The following NEMF variants were observed in gnomAD, a reference collection of about 807,000 sequenced individuals.
NEMF encodes the protein nuclear export mediator factor.
In NEMF, 89 loss-of-function variants were observed where a neutral mutation model predicts 162.2. That is an observed-to-expected ratio of 0.55 (90% CI 0.46 to 0.65). NEMF has a LOEUF of 0.65. Ranked by LOEUF, NEMF falls within the 30% of genes least tolerant of loss-of-function variation. NEMF has a pLI of 0.00. For synonymous variants in NEMF, 421 were observed against 404.5 expected, an observed-to-expected ratio of 1.04 and a Z score of -0.49; for missense variants, 1,133 against 1,261.9, an observed-to-expected ratio of 0.90 and a Z score of 1.55.
intron 26 of NEMF, among the ~76,000 whole-genome samples, chr14:49,791,610 G>A (rs946272901): frequency 3.3e-5 from 5 of 151,752 alleles, no homozygotes; most frequent in South Asian, 2.1e-4. Flanking sequence ...AGTGGTGCAC[G>A]CCTGTAGTCC....
chr14:49,835,666 C>T lies in NEMF; in HGVS notation c.575-1217G>A, dbSNP rs139127681. Reference sequence around the variant, plus strand: ...ATTGTACTGGAAGCTATAGCTAGCACAATAAGGCAAATTAATTAATAGCAT... The same window carrying T: ...ATTGTACTGGAAGCTATAGCTAGCATAATAAGGCAAATTAATTAATAGCAT... On this transcript the variant is annotated intron_variant, in intron 6 of 32. Coordinates refer to ENST00000298310, the MANE Select transcript of NEMF (RefSeq NM_004713.6). Among the ~76,000 whole-genome samples, 146 of 152,168 alleles carry T rather than the reference C, an allele frequency of 9.6e-4. 1 individual carries two copies. The highest frequency in any genetic ancestry group is 1.8e-3 in the Non-Finnish European group (124 of 68,010).
chr14:49,817,937 T>C (rs1891799844), intron 16 of NEMF, among the ~76,000 whole-genome samples: 1 of 152,132 alleles, frequency 6.6e-6, no homozygotes, highest in Admixed American at 6.6e-5. Flanking sequence ...ATGACCTTGA[T>C]ACCAATACCC....
intron 25 of NEMF, among the ~76,000 whole-genome samples, chr14:49,798,848 A>G (rs1250788826): frequency 4.6e-5 from 7 of 152,068 alleles, no homozygotes; most frequent in Admixed American, 4.6e-4. Context: ...TGGGGCTTGC[A>G]GTGAGCCGAG....
intron 25 of NEMF, among the ~76,000 whole-genome samples, chr14:49,798,865 C>G (rs574055935): frequency 6.6e-6 from 1 of 152,040 alleles, no homozygotes; most frequent in Non-Finnish European, 1.5e-5. Context: ...CGAGATCATG[C>G]CACTGCACTC....
chr14:49,852,727 G>A lies in NEMF; in HGVS notation c.27C>T (p.Asp9=), dbSNP rs760502978. The change falls in exon 1 of 33, where the codon GAC becomes GAT. Residue 9 remains aspartate, a synonymous_variant. Coordinates refer to ENST00000298310, the MANE Select transcript of NEMF (RefSeq NM_004713.6). The part of the protein sequence containing the change: MKSRFSTI[D]LRAVLAELNA... The stretch of plus-strand genomic sequence containing the variant: ...TCAGCTCCGCGAGTACGGCGCGGAG[G>A]TCAATGGTGCTAAAGCGGCTCTTCA... The A allele has an allele frequency of 1.9e-6, 3 of 1,614,082 alleles. No individual in the cohort carries two copies. The highest frequency in any genetic ancestry group is 2.2e-5 in the East Asian group (1 of 44,896).
chr14:49,813,195 T>G (rs1000511496), intron 18 of NEMF, among the ~76,000 whole-genome samples: 1 of 152,232 alleles, frequency 6.6e-6, no homozygotes, highest in African/African-American at 2.4e-5. Flanking sequence ...TAAAACTTTC[T>G]GAGTGCAGCA....
At chr14:49,786,802 T>A (rs1890199708) in intron 28 of NEMF, 52 bp from the exon 29 acceptor site, 1 of 1,511,094 alleles carries the variant, frequency 6.6e-7, no homozygotes. Context: ...AAAATGAAAA[T>A]TCCACATCAT....
At chr14:49,802,919 T>TA (rs1327003280) in intron 20 of NEMF, among the ~76,000 whole-genome samples, 192 bp from the exon 21 acceptor site, 1 of 152,138 alleles carries the variant, frequency 6.6e-6, no homozygotes, top group Non-Finnish European at 1.5e-5. Context: ...AAGTAAAAAA[T>TA]ATACACACTT....
chr14:49,786,213 GAATT>G (rs1243321327), intron 29 of NEMF: 1 of 157,674 alleles, frequency 6.3e-6, no homozygotes, highest in African/African-American at 2.4e-5. Context: ...CCACAACAAA[GAATT>G]AACCAACCCC....
intron 6 of NEMF, among the ~76,000 whole-genome samples, chr14:49,837,138 T>C (rs925658138): frequency 5.3e-5 from 8 of 152,002 alleles, no homozygotes; most frequent in African/African-American, 1.9e-4. Context: ...TAGCTGAGCG[T>C]GGTGGCATGA....
At chr14:49,798,018 G>C (rs1272712534) in intron 25 of NEMF, among the ~76,000 whole-genome samples, 1 of 152,174 alleles carries the variant, frequency 6.6e-6, no homozygotes, top group Non-Finnish European at 1.5e-5. Context: ...ATGAGTGCAG[G>C]TATGTGTGCC....
chr14:49,815,261 C>G (rs560465570), intron 16 of NEMF, among the ~76,000 whole-genome samples: 85 of 152,174 alleles, frequency 5.6e-4, no homozygotes, highest in Admixed American at 4.0e-3. Context: ...AATAAATGAA[C>G]GTAATTAATC....
In NEMF at chr14:49,814,022, A is replaced by G. The variant is rs142717582; in HGVS notation, c.1710T>C (p.His570=). Residue 570 remains histidine, a synonymous_variant, in exon 18 of 33, where the codon CAT becomes CAC. Coordinates refer to ENST00000298310, the MANE Select transcript of NEMF (RefSeq NM_004713.6). ...PGDIYVHADL[H]GATSCVIKNP... ...TCTTAATTACACAGCTAGTAGCTCC[A>G]TGAAGATCAGCATGTACATAAATGT... 102 of 1,550,290 alleles carry G rather than the reference A, an allele frequency of 6.6e-5. No individual in the cohort carries two copies. The highest frequency in any genetic ancestry group is 8.9e-5 in the Non-Finnish European group (100 of 1,121,896).
intron 16 of NEMF, 46 bp from the exon 17 acceptor site, chr14:49,814,903 T>G (rs774689518): frequency 6.5e-6 from 7 of 1,074,818 alleles, no homozygotes; most frequent in Non-Finnish European, 1.4e-6. Context: ...TATAGCTGCC[T>G]GAATTCATAC....
rs983594166 is a variant in NEMF, at chr14:49,783,092, G to T, written c.*1544C>A. The T allele has an allele frequency of 9.4e-6, 7 of 747,604 alleles. No homozygotes were observed. The Admixed American group carries it at 1.6e-4, about 17-fold the overall frequency. 46.3% of individuals were successfully genotyped at this position (747,604 alleles called of 1,614,324 possible). ...TTAATGTGCATGTGAATGGCCTAGAGAACCTATTTTTGTGTCTAAAGTTTA... is the reference window on the plus strand; with the variant it reads ...TTAATGTGCATGTGAATGGCCTAGATAACCTATTTTTGTGTCTAAAGTTTA... On this transcript the variant is annotated 3_prime_UTR_variant, in exon 33 of 33. Coordinates refer to ENST00000298310, the MANE Select transcript of NEMF (RefSeq NM_004713.6).
chr14:49,820,586 T>C (rs1891957371), intron 16 of NEMF: 2 of 437,042 alleles, frequency 4.6e-6, no homozygotes, highest in Admixed American at 2.6e-5. Context: ...CTGGCCAATA[T>C]GGTGAAATCC....
intron 18 of NEMF, among the ~76,000 whole-genome samples, chr14:49,808,385 G>A (rs1891319410): frequency 6.6e-6 from 1 of 152,040 alleles, no homozygotes; most frequent in Admixed American, 6.6e-5. Context: ...ATGTTGGCCA[G>A]GCTGGTCTCG....
intron 6 of NEMF, among the ~76,000 whole-genome samples, chr14:49,836,953 C>T (rs1406246962): frequency 6.6e-6 from 1 of 152,106 alleles, no homozygotes; most frequent in African/African-American, 2.4e-5. Context: ...AATTTTCCAC[C>T]TGTGGCATCA....
intron 1 of NEMF, 57 bp downstream of exon 1, chr14:49,852,638 C>T: frequency 2.5e-6 from 4 of 1,581,326 alleles, no homozygotes; most frequent in Admixed American, 1.7e-5. Flanking sequence ...CGCCATGGGA[C>T]TCCGGCCTCT....
Sources: allele counts gnomAD v4.1 joint callset (sites outside exome capture counted in the v4.1 genomes callset), GRCh38; gene constraint gnomAD v4.1.1; transcripts MANE v1.5; gene names NCBI Gene and HGNC (gene_info 2026-07-23, HGNC 2026-07-21).